The following CACNA1E variants were observed in gnomAD, a reference collection of about 807,000 sequenced individuals.
The protein encoded by CACNA1E is calcium voltage-gated channel subunit alpha1 E.
In CACNA1E, 40 loss-of-function variants were observed where a neutral mutation model predicts 259.2. The ratio of observed to expected loss-of-function variants is 0.15; its 90% CI spans 0.12 to 0.20. The LOEUF (loss-of-function observed/expected upper bound fraction) is 0.20. CACNA1E is among the 10% of genes least tolerant of loss of function. The pLI, the probability that CACNA1E is intolerant of heterozygous loss-of-function variation, is 1.00. For synonymous variants in CACNA1E, 1,104 were observed against 1,138.5 expected, an observed-to-expected ratio of 0.97 and a Z score of 0.61; for missense variants, 1,874 against 3,040.1, an observed-to-expected ratio of 0.62 and a Z score of 9.02.
In CACNA1E at chr1:181,676,140, G is replaced by A. The variant is rs143433460; in HGVS notation, c.1055+24699G>A. ...CCAGCAAAGTGTCCCAGAGCTGTGCGAGGCTTATACAAAAGAAGGAAGCAT... is the reference window on the plus strand; with the variant it reads ...CCAGCAAAGTGTCCCAGAGCTGTGCAAGGCTTATACAAAAGAAGGAAGCAT... On this transcript the variant is annotated intron_variant, in intron 7 of 47. Coordinates refer to ENST00000367573, the MANE Select transcript of CACNA1E (RefSeq NM_001205293.3). 9.5e-3 allele frequency among the ~76,000 whole-genome samples: 1,452 copies of A among 152,268 alleles called. 12 individuals are homozygous for A. Among genetic ancestry groups the A allele is most frequent in the Non-Finnish European group, 0.012 (837 of 68,034 alleles).
At chr1:181,685,237 T>G (rs1192639181) in intron 7 of CACNA1E, among the ~76,000 whole-genome samples, 17 of 115,006 alleles carry the variant, frequency 1.5e-4, no homozygotes, top group South Asian at 2.6e-4. Flanking sequence ...TAAGTTTTTT[T>G]TTTTTTTTTT....
At chr1:181,503,423 C>T (rs949637710) in intron 1 of CACNA1E, among the ~76,000 whole-genome samples, 1 of 152,222 alleles carries the variant, frequency 6.6e-6, no homozygotes, top group African/African-American at 2.4e-5. Context: ...ATAAATCCTC[C>T]TCTGGGGACT....
chr1:181,665,801 CA>C (rs1454777279), intron 7 of CACNA1E, among the ~76,000 whole-genome samples: 1 of 152,092 alleles, frequency 6.6e-6, no homozygotes, highest in Non-Finnish European at 1.5e-5. Flanking sequence ...TGCTAAGAGA[CA>C]GACCTGGATT....
intron 1 of CACNA1E, among the ~76,000 whole-genome samples, chr1:181,359,390 T>C (rs1015691844): frequency 1.3e-5 from 2 of 152,128 alleles, no homozygotes; most frequent in Non-Finnish European, 2.9e-5. Context: ...ATGATCTTTT[T>C]AGTGTACAAG....
chr1:181,569,441 T>C (rs1650184389), intron 3 of CACNA1E, among the ~76,000 whole-genome samples: 1 of 152,222 alleles, frequency 6.6e-6, no homozygotes, highest in Admixed American at 6.5e-5. Flanking sequence ...GTCAAGTTGA[T>C]TTTCTTTGGC....
At chr1:181,708,773 A>G (rs1653047116) in intron 7 of CACNA1E, among the ~76,000 whole-genome samples, 1 of 152,202 alleles carries the variant, frequency 6.6e-6, no homozygotes, top group Non-Finnish European at 1.5e-5. Flanking sequence ...TACCTATTCT[A>G]CCTTCTTCTC....
chr1:181,353,757 A>T (rs1271579517), intron 1 of CACNA1E, among the ~76,000 whole-genome samples: 1 of 152,184 alleles, frequency 6.6e-6, no homozygotes, highest in Non-Finnish European at 1.5e-5. Flanking sequence ...GATTCAAGGG[A>T]TGAGTGGGAA....
intron 1 of CACNA1E, among the ~76,000 whole-genome samples, chr1:181,394,013 G>C (rs1319015935): frequency 6.6e-6 from 1 of 152,190 alleles, no homozygotes; most frequent in African/African-American, 2.4e-5. Context: ...TTGGCTCCTA[G>C]TCTCTAGACA....
At chr1:181,365,522 T>G (rs181762076) in intron 1 of CACNA1E, among the ~76,000 whole-genome samples, 63 of 152,342 alleles carry the variant, frequency 4.1e-4, no homozygotes, top group Middle Eastern at 3.4e-3. Flanking sequence ...TGGGTAAATC[T>G]GATGATGGGG....
intron 7 of CACNA1E, among the ~76,000 whole-genome samples, chr1:181,652,886 G>A (rs1216727320): frequency 2.0e-5 from 3 of 152,060 alleles, no homozygotes; most frequent in Non-Finnish European, 2.9e-5. Context: ...ACTGAAAACA[G>A]GAGGGCTAAA....
chr1:181,608,892 A>T (rs1558180880), intron 6 of CACNA1E, among the ~76,000 whole-genome samples: 1 of 152,138 alleles, frequency 6.6e-6, no homozygotes, highest in Non-Finnish European at 1.5e-5. Flanking sequence ...CTCATGAATG[A>T]CCGTCAGAGG....
chr1:181,772,789 A>AGAT lies in CACNA1E; in HGVS notation c.5139+561_5139+563dup, dbSNP rs1225265700. ...ATTTGATGATAATTGACCAGCTGAT[A>AGAT]GATGAGAAAGAATGAGATTGCTTGA... On this transcript the variant is annotated intron_variant, in intron 37 of 47. Transcript: ENST00000367573. Among the ~76,000 whole-genome samples, 4 of 152,316 alleles carry AGAT rather than the reference A, an allele frequency of 2.6e-5. No individual in the cohort carries two copies. In the East Asian group the frequency reaches 5.8e-4, roughly 22 times the overall value.
rs1368867736 is a variant in CACNA1E, at chr1:181,341,114, T to A, written c.-15+22991T>A. ...AGTTACTCCCGCGTCCTGATGGTGG[T>A]CCTGCCCTCCTAGTCCACCTCCGAG... On this transcript the variant is annotated intron_variant, in intron 1 of 11. Coordinates refer to the CACNA1E transcript ENST00000524607. Among the ~76,000 whole-genome samples the A allele has an allele frequency of 2.0e-5, 3 of 152,120 alleles. No individual in the cohort carries two copies. In the East Asian group the frequency reaches 5.8e-4, roughly 29 times the overall value.
At chr1:181,539,967 A>G (rs1398654705) in intron 3 of CACNA1E, among the ~76,000 whole-genome samples, 1 of 152,164 alleles carries the variant, frequency 6.6e-6, no homozygotes, top group African/African-American at 2.4e-5. Context: ...TCTTACAACA[A>G]ATAAACATGC....
intron 29 of CACNA1E, among the ~76,000 whole-genome samples, chr1:181,756,566 C>T: frequency 6.6e-6 from 1 of 152,168 alleles, no homozygotes; most frequent in East Asian, 1.9e-4. Flanking sequence ...TAGTTGAAAG[C>T]TAATTTCTCA....
intron 18 of CACNA1E, among the ~76,000 whole-genome samples, 157 bp downstream of exon 18, chr1:181,726,319 A>G (rs1268265219): frequency 7.2e-5 from 11 of 152,214 alleles, no homozygotes; most frequent in Admixed American, 7.2e-4. Context: ...TTTTCATGGA[A>G]GTGTTATTTC....
At chr1:181,382,875 T>C (rs566008948) in intron 1 of CACNA1E, among the ~76,000 whole-genome samples, 1 of 152,214 alleles carries the variant, frequency 6.6e-6, no homozygotes, top group Non-Finnish European at 1.5e-5. Flanking sequence ...GTTCCTGTGT[T>C]GTAAAGTGGG....
At chr1:181,646,534 C>T (rs1658281671) in intron 6 of CACNA1E, among the ~76,000 whole-genome samples, 1 of 152,204 alleles carries the variant, frequency 6.6e-6, no homozygotes, top group Non-Finnish European at 1.5e-5. Flanking sequence ...CACTCAGCCT[C>T]CCCACTCAGT....
chr1:181,403,366 C>T (rs1358536363), intron 1 of CACNA1E, among the ~76,000 whole-genome samples: 1 of 151,470 alleles, frequency 6.6e-6, no homozygotes, highest in African/African-American at 2.4e-5. Context: ...GACCCCTCAT[C>T]CTCATTCTAC....
Sources: allele counts gnomAD v4.1 joint callset (sites outside exome capture counted in the v4.1 genomes callset), GRCh38; gene constraint gnomAD v4.1.1; transcripts MANE v1.5; gene names NCBI Gene and HGNC (gene_info 2026-07-23, HGNC 2026-07-21).